The following ELOVL2 variants were observed in gnomAD, a reference collection of about 807,000 sequenced individuals.
ELOVL2 encodes ELOVL fatty acid elongase 2.
ELOVL2 carries 38 observed loss-of-function variants against 37.7 expected under a neutral mutation model. The observed-to-expected ratio is 1.01, with a 90% CI of 0.78 to 1.32. ELOVL2 has a LOEUF of 1.32. ELOVL2 is among the 40% of genes most tolerant of loss of function. The pLI is 0.00. For synonymous variants in ELOVL2, 115 were observed against 122.3 expected (o/e 0.94, Z 0.40); for missense variants, 352 against 363.6 (o/e 0.97, Z 0.26).
chr6:11,000,059 G>C lies in ELOVL2; in HGVS notation c.333+28C>G, dbSNP rs752094575. Reference sequence around the variant, plus strand: ...TCCTTGTCAATGGGAACTGGTTATAGTTGGTTGATTTGCTTCTAGTGGCTC... The same window carrying C: ...TCCTTGTCAATGGGAACTGGTTATACTTGGTTGATTTGCTTCTAGTGGCTC... On this transcript the variant is annotated intron_variant, in intron 4 of 7. Transcript: ENST00000354666. The C allele has an allele frequency of 2.5e-6, 4 of 1,605,810 alleles. No individual in the cohort carries two copies. The Admixed American group carries it at 6.7e-5, about 27-fold the overall frequency.
At chr6:11,016,964 A>G (rs985680517) in intron 1 of ELOVL2, among the ~76,000 whole-genome samples, 5 of 152,162 alleles carry the variant, frequency 3.3e-5, no homozygotes, top group Admixed American at 6.5e-5. Flanking sequence ...CTACCTCCCA[A>G]CTACTATTCT....
At chr6:11,029,476 T>C (rs1351267849) in intron 1 of ELOVL2, among the ~76,000 whole-genome samples, 3 of 152,072 alleles carry the variant, frequency 2.0e-5, no homozygotes, top group Non-Finnish European at 4.4e-5. Context: ...GTACACAGAG[T>C]AGAAGTTGAA....
In ELOVL2 at chr6:10,982,145, A is replaced by G. The variant is rs1004263476; in HGVS notation, c.*1636T>C. On this transcript the variant is annotated 3_prime_UTR_variant, in exon 8 of 8. Transcript: ENST00000354666. Reference sequence around the variant, plus strand: ...TGGGTCGGCCGCACTGAAGGGAAGGAAGCAGGTGCAGTGCATCACCCTAGA... The same window carrying G: ...TGGGTCGGCCGCACTGAAGGGAAGGGAGCAGGTGCAGTGCATCACCCTAGA... 2 of 152,260 alleles carry G rather than the reference A, an allele frequency of 1.3e-5. No homozygotes were observed. Among genetic ancestry groups the G allele is most frequent in the Non-Finnish European group, 2.9e-5 (2 of 68,072 alleles). 9.4% of individuals were successfully genotyped at this position (152,260 alleles called of 1,614,324 possible).
At chr6:11,018,311 C>T (rs2113536011) in intron 1 of ELOVL2, among the ~76,000 whole-genome samples, 1 of 152,178 alleles carries the variant, frequency 6.6e-6, no homozygotes, top group East Asian at 1.9e-4. Context: ...TAATTCCAAC[C>T]TATACTAAAA....
At chr6:10,992,328 T>C (rs1382548779) in intron 5 of ELOVL2, among the ~76,000 whole-genome samples, 1 of 152,218 alleles carries the variant, frequency 6.6e-6, no homozygotes, top group Non-Finnish European at 1.5e-5. Flanking sequence ...TGACTGAAGT[T>C]TTACATGTTC....
intron 1 of ELOVL2, among the ~76,000 whole-genome samples, chr6:11,036,221 A>G (rs967620225): frequency 6.6e-6 from 1 of 152,248 alleles, no homozygotes; most frequent in Non-Finnish European, 1.5e-5. Context: ...CTAATTTACA[A>G]AAGGAACATG....
At chr6:10,984,004 T>C (rs1192345283) in intron 7 of ELOVL2, 98 bp from the exon 8 acceptor site, 3 of 1,159,606 alleles carry the variant, frequency 2.6e-6, no homozygotes, top group Non-Finnish European at 3.6e-6. Context: ...TGTGATTTTG[T>C]TGGGCGCAGG....
At chr6:11,018,136 AT>A (rs1782713251) in intron 1 of ELOVL2, among the ~76,000 whole-genome samples, 1 of 152,164 alleles carries the variant, frequency 6.6e-6, no homozygotes, top group Non-Finnish European at 1.5e-5. Context: ...TTGCCTATAT[AT>A]TTTTAAAGTA....
intron 7 of ELOVL2, among the ~76,000 whole-genome samples, chr6:10,985,138 G>GT (rs1003243650): frequency 4.3e-4 from 66 of 152,126 alleles, no homozygotes; most frequent in Middle Eastern, 3.4e-3. Context: ...TTTTTCATGT[G>GT]TTTTTTTGGC....
chr6:11,028,808 G>A (rs1167350088), intron 1 of ELOVL2, among the ~76,000 whole-genome samples: 2 of 151,758 alleles, frequency 1.3e-5, no homozygotes, highest in East Asian at 1.9e-4. Context: ...TTTAGTTCTC[G>A]AAACTACTCT....
chr6:11,025,816 C>A (rs936105323), intron 1 of ELOVL2, among the ~76,000 whole-genome samples: 2 of 152,072 alleles, frequency 1.3e-5, no homozygotes, highest in African/African-American at 4.8e-5. Flanking sequence ...AAGTCTTCAC[C>A]CAGTTTTAGC....
At chr6:11,036,164 CT>C (rs763277902) in intron 1 of ELOVL2, among the ~76,000 whole-genome samples, 24 of 152,258 alleles carry the variant, frequency 1.6e-4, no homozygotes, top group Admixed American at 2.6e-4. Flanking sequence ...GGTGTTTCTG[CT>C]TACTTTTAAA....
At chr6:10,997,881 T>G (rs1484442963) in intron 4 of ELOVL2, among the ~76,000 whole-genome samples, 1 of 152,182 alleles carries the variant, frequency 6.6e-6, no homozygotes, top group Non-Finnish European at 1.5e-5. Flanking sequence ...CATCCACAGG[T>G]GATTGCTGTC....
chr6:11,044,082 AC>A lies in ELOVL2; in HGVS notation c.3+145del. The A allele has an allele frequency of 9.4e-7, 1 of 1,058,606 alleles. No individual in the cohort carries two copies. Among genetic ancestry groups the A allele is most frequent in the South Asian group, 2.5e-5 (1 of 39,604 alleles). 65.6% of individuals were successfully genotyped at this position (1,058,606 alleles called of 1,614,324 possible). A position where few individuals can be genotyped will look rare whatever the true frequency, so the allele number is the denominator to read the frequency against. ...GCTCCCGCTCCCCAGGCCCGCGCGG[AC>A]CCGGCCCCTCCGAGGGTAGCGGGTT... On this transcript the variant is annotated intron_variant, in intron 1 of 7. Coordinates refer to ENST00000354666, the MANE Select transcript of ELOVL2 (RefSeq NM_017770.4). The surrounding 1 kb of genome is among the most constrained non-coding windows in gnomAD (Gnocchi z 5.6).
At chr6:10,997,145 T>G (rs1782285062) in intron 4 of ELOVL2, among the ~76,000 whole-genome samples, 1 of 152,216 alleles carries the variant, frequency 6.6e-6, no homozygotes, top group Non-Finnish European at 1.5e-5. Flanking sequence ...AAATGAACAC[T>G]CAGCATCCAA....
At chr6:11,018,236 A>AT (rs1319738682) in intron 1 of ELOVL2, among the ~76,000 whole-genome samples, 1 of 152,072 alleles carries the variant, frequency 6.6e-6, no homozygotes, top group Non-Finnish European at 1.5e-5. Flanking sequence ...TAGTGATCTT[A>AT]TTTTTTTCTA....
In ELOVL2 at chr6:11,043,760, G is replaced by C. The variant is rs139102942; in HGVS notation, c.3+468C>G. 7.5e-3 allele frequency: 1,176 copies of C among 156,502 alleles called. 17 individuals carry two copies. Among genetic ancestry groups the C allele is most frequent in the African/African-American group, 0.027 (1,118 of 41,740 alleles). The allele number at this position is 156,502 out of a possible 1,614,324, so 9.7% of individuals were successfully genotyped here. A position where few individuals can be genotyped will look rare whatever the true frequency, so the allele number is the denominator to read the frequency against. ...CCGAACCCCAGAACTCCCGAGGCAG[G>C]GTGTGTGCCGCGCGCGGGAAACGCC... On this transcript the variant is annotated intron_variant, in intron 1 of 7. Coordinates refer to ENST00000354666, the MANE Select transcript of ELOVL2 (RefSeq NM_017770.4).
Position 11,043,974 on chromosome 6 carries a change from G to T in ELOVL2, c.3+254C>A, listed in dbSNP as rs9468310. ...GCGGGCGCCTCGAGGTGCCGGGGCG[G>T]GACCGGGGAGAGGGGACCGAGACAA... On this transcript the variant is annotated intron_variant, in intron 1 of 7. Coordinates refer to ENST00000354666, the MANE Select transcript of ELOVL2 (RefSeq NM_017770.4). 2.7e-3 allele frequency: 887 copies of T among 329,984 alleles called. 7 individuals are homozygous for T. Among genetic ancestry groups the T allele is most frequent in the African/African-American group, 0.018 (824 of 46,076 alleles). The allele number at this position is 329,984 out of a possible 1,614,324, so 20.4% of individuals were successfully genotyped here.
intron 3 of ELOVL2, among the ~76,000 whole-genome samples, chr6:11,003,855 G>A (rs1360974447): frequency 2.0e-5 from 3 of 152,126 alleles, no homozygotes; most frequent in Non-Finnish European, 4.4e-5. Flanking sequence ...GCCGAGGCGG[G>A]TGGATCACCT....
Sources: gnomAD v4.1 joint callset for allele counts (sites outside exome capture counted in the v4.1 genomes callset) on GRCh38, gnomAD v4.1.1 for gene constraint, Gnocchi (gnomAD v3.1) non-coding constraint, MANE v1.5 for transcripts, NCBI Gene and HGNC (gene_info 2026-07-23, HGNC 2026-07-21) for gene names.